The following CFAP46 variants were observed in gnomAD, a reference collection of about 807,000 sequenced individuals.
The protein encoded by CFAP46 is cilia- and flagella-associated protein 46.
CFAP46 carries 245 observed loss-of-function variants against 325.7 expected under a neutral mutation model. The observed-to-expected ratio is 0.75, with a 90% CI of 0.68 to 0.84. The LOEUF (loss-of-function observed/expected upper bound fraction) is 0.84, where lower values mean the gene tolerates loss of function less well. CFAP46 is among the 40% of genes least tolerant of loss of function. The pLI is 0.00. For synonymous variants in CFAP46, 1,523 were observed against 1,495.9 expected, an observed-to-expected ratio of 1.02 and a Z score of -0.42; for missense variants, 3,346 against 3,543.0, an observed-to-expected ratio of 0.94 and a Z score of 1.41.
intron 39 of CFAP46, among the ~76,000 whole-genome samples, chr10:132,855,596 CTT>C (rs1206527965): frequency 6.6e-6 from 1 of 152,078 alleles, no homozygotes; most frequent in Non-Finnish European, 1.5e-5. Context: ...GTCCTTTATT[CTT>C]TTTCTTTTTT....
At position 132,808,465 on chromosome 10, in the gene CFAP46, A is replaced by G; in HGVS notation, c.8104T>C (p.Leu2702=). 6.2e-7 allele frequency: 1 copy of G among 1,613,226 alleles called. No homozygotes were observed. The highest frequency in any genetic ancestry group is 2.2e-5 in the East Asian group (1 of 44,880). ...LPLAALVLSC[L]DQKTIQTVSL... ...ACGGTCTGAATAGTCTTCTGGTCTA[A>G]GCAACTCAGCACCAGCGCCGCCAAG... The change falls in exon 58 of 58, where the codon TTA becomes CTA. Residue 2702 remains leucine (L), a synonymous_variant. Transcript: ENST00000368586. The surrounding 1 kb of genome is among the most constrained non-coding windows in gnomAD (Gnocchi z 6.8).
intron 44 of CFAP46, among the ~76,000 whole-genome samples, chr10:132,843,020 G>A (rs976478403): frequency 1.1e-4 from 17 of 152,350 alleles, no homozygotes; most frequent in African/African-American, 3.1e-4. Context: ...GGAGACAAAC[G>A]TTCAAATCAT....
chr10:132,906,286 C>A (rs1455389042), intron 22 of CFAP46, among the ~76,000 whole-genome samples: 1 of 152,248 alleles, frequency 6.6e-6, no homozygotes, highest in East Asian at 1.9e-4. Context: ...CGCAGTCTCA[C>A]CCCTGCCAAG....
chr10:132,860,332 T>G (rs1591059140), intron 37 of CFAP46, 85 bp downstream of exon 37: 8 of 1,024,254 alleles, frequency 7.8e-6, no homozygotes, highest in African/African-American at 3.2e-5. Context: ...TTGCATAGAC[T>G]TGACGTATGG....
At chr10:132,826,634 G>A (rs113447315) in intron 50 of CFAP46, among the ~76,000 whole-genome samples, 12 of 116,926 alleles carry the variant, frequency 1.0e-4, no homozygotes, top group African/African-American at 3.4e-4. Context: ...GGCAGGAGCC[G>A]GAGCCACAGA....
intron 50 of CFAP46, among the ~76,000 whole-genome samples, chr10:132,822,057 T>TGA (rs1847857343): frequency 1.4e-5 from 2 of 144,698 alleles, no homozygotes; most frequent in Admixed American, 6.7e-5. Context: ...GTGTGCTGTG[T>TGA]GTGCTGATGT....
At chr10:132,880,809 G>T in intron 28 of CFAP46, 52 bp downstream of exon 28, 1 of 1,521,816 alleles carries the variant, frequency 6.6e-7, no homozygotes, top group Non-Finnish European at 8.8e-7. Context: ...GCAGGAAGCA[G>T]AGCTCTGGGG....
chr10:132,922,352 C>T, intron 12 of CFAP46, 128 bp from the exon 13 acceptor site: 1 of 1,456,014 alleles, frequency 6.9e-7, no homozygotes, highest in South Asian at 1.4e-5. Context: ...ACAGTGACAG[C>T]TCGGTCCCAG....
intron 8 of CFAP46, among the ~76,000 whole-genome samples, chr10:132,931,108 G>T (rs1171337425): frequency 1.3e-4 from 3 of 23,782 alleles, no homozygotes; most frequent in Admixed American, 5.3e-4. Flanking sequence ...CACTCCCCAC[G>T]CAGAGCCTGG....
chr10:132,834,775 C>T lies in CFAP46; in HGVS notation c.6745G>A (p.Glu2249Lys), dbSNP rs12356978. Residue 2249 changes from glutamate (E) to lysine (K), a missense_variant and splice_region_variant, in exon 48 of 58, where the codon GAA (glutamate) becomes AAA (lysine). Physicochemically the swap from Glu to Lys is moderately conservative, Grantham distance 56 (BLOSUM62 1). Transcript: ENST00000368586. ...TCTTCCACCTGCAGGCCTTCTGGTTCCTACCGCAATCCAAAAAAGAGGCCC... is the reference window on the plus strand; with the variant it reads ...TCTTCCACCTGCAGGCCTTCTGGTTTCTACCGCAATCCAAAAAAGAGGCCC... The part of the protein sequence containing the change: ...SEDMALNIGS[E>K]PEGLQVEEKE... The T allele has an allele frequency of 0.065, 105,393 of 1,609,360 alleles. 3,850 individuals are homozygous for T. Among genetic ancestry groups the T allele is most frequent in the Non-Finnish European group, 0.071 (84,060 of 1,177,242 alleles).
rs150206082 is a variant in CFAP46 at position 132,851,251 on chromosome 10, G to A, written c.5629C>T (p.Leu1877Phe). ...AGCATGTCCAGAGCCATTTCCACGA[G>A]GCCGAGCTTGAGGCGCGCCAGCTTC... ...MRKLARLKLG[L>F]VEMALDMLQF... The change falls in exon 40 of 58, where the codon CTC (leucine) becomes TTC (phenylalanine). Residue 1877 changes from leucine (L) to phenylalanine (F), a missense_variant. Coordinates refer to ENST00000368586, the MANE Select transcript of CFAP46 (RefSeq NM_001200049.3). 1.6e-5 allele frequency: 26 copies of A among 1,613,934 alleles called. No individual in the cohort carries two copies. In the African/African-American group the frequency reaches 3.1e-4, roughly 19 times the overall value.
In CFAP46 at chr10:132,847,183, G is replaced by C; in HGVS notation, c.6087+4C>G. ...CACACGAGGGGCAGGAGGGGCAGCC[G>C]CACCTTCAGGTCCTCGCCTCTCCTG... On this transcript the variant is annotated splice_donor_region_variant and intron_variant, in intron 42 of 57. Transcript: ENST00000368586. This position sits in a 1 kb window ranked among gnomAD's most constrained non-coding sequence, Gnocchi z 5.2. The C allele has an allele frequency of 1.2e-6, 2 of 1,610,222 alleles. No homozygotes were observed.
At chr10:132,908,325 G>A (rs1341690591) in intron 22 of CFAP46, 143 bp downstream of exon 22, 5 of 1,000,318 alleles carry the variant, frequency 5.0e-6, no homozygotes, top group African/African-American at 3.3e-5. Flanking sequence ...GCCCTGATCT[G>A]TGATCGCGGC....
chr10:132,824,928 T>C (rs539407512), intron 50 of CFAP46, among the ~76,000 whole-genome samples: 1 of 139,464 alleles, frequency 7.2e-6, no homozygotes, highest in Non-Finnish European at 1.6e-5. Context: ...TGTGTGCTGC[T>C]TGTGTGTGCT....
chr10:132,872,808 A>G lies in CFAP46; in HGVS notation c.4379T>C (p.Phe1460Ser). 1.3e-6 allele frequency: 2 copies of G among 1,551,190 alleles called. No individual in the cohort carries two copies. Among genetic ancestry groups the G allele is most frequent in the Non-Finnish European group, 1.7e-6 (2 of 1,147,144 alleles). The change falls in exon 32 of 58, where the codon TTC (phenylalanine) becomes TCC (serine). Residue 1460 changes from phenylalanine to serine, a missense_variant. Transcript: ENST00000368586. ...CAGGGCCTTGACCAGGTGGTCCAGG[A>G]AATACAAACTGTATGTCTACATGGA... ...SIQKPTYSLY[F>S]LDHLVKALQK...
intron 7 of CFAP46, among the ~76,000 whole-genome samples, chr10:132,935,329 G>T: frequency 7.5e-6 from 1 of 134,102 alleles, no homozygotes; most frequent in Admixed American, 7.4e-5. Context: ...ATTCCCCTCA[G>T]CACCCAAACC....
chr10:132,816,757 C>T (rs188211086), intron 50 of CFAP46, among the ~76,000 whole-genome samples: 1 of 152,310 alleles, frequency 6.6e-6, no homozygotes, highest in East Asian at 1.9e-4. Flanking sequence ...TAGTTTTTGA[C>T]ATTTCCATGA....
At chr10:132,855,174 T>C (rs1273605241) in intron 39 of CFAP46, among the ~76,000 whole-genome samples, 1 of 133,230 alleles carries the variant, frequency 7.5e-6, no homozygotes, top group Non-Finnish European at 1.6e-5. Context: ...CAATTTTATT[T>C]TATCAGTTTT....
chr10:132,887,535 TCC>T (rs1849168812), intron 25 of CFAP46, among the ~76,000 whole-genome samples: 1 of 96,284 alleles, frequency 1.0e-5, no homozygotes, highest in African/African-American at 4.0e-5. Context: ...CTCTCTCCTC[TCC>T]CCTCTTCTCT....
Sources: allele counts gnomAD v4.1 joint callset (sites outside exome capture counted in the v4.1 genomes callset), GRCh38; gene constraint gnomAD v4.1.1; non-coding constraint Gnocchi (gnomAD v3.1); transcripts MANE v1.5; gene names NCBI Gene and HGNC (gene_info 2026-07-23, HGNC 2026-07-21).